Variants in TCAIM observed in about 807,000 individuals in gnomAD.
TCAIM encodes T-cell activation inhibitor, mitochondrial.
TCAIM carries 36 observed loss-of-function variants against 58.6 expected under a neutral mutation model. The observed-to-expected ratio is 0.61, with a 90% CI of 0.47 to 0.81. TCAIM has a LOEUF of 0.81. TCAIM is among the 30% of genes least tolerant of loss of function. TCAIM has a pLI of 0.00. For synonymous variants in TCAIM, 172 were observed against 193.6 expected, an observed-to-expected ratio of 0.89 and a Z score of 0.93; for missense variants, 466 against 579.6, an observed-to-expected ratio of 0.80 and a Z score of 2.01.
intron 1 of TCAIM, among the ~76,000 whole-genome samples, chr3:44,351,472 T>A (rs911307178): frequency 6.6e-6 from 1 of 151,984 alleles, no homozygotes; most frequent in Non-Finnish European, 1.5e-5. Flanking sequence ...ATCACCTTTT[T>A]AAATTTATTT....
chr3:44,355,975 G>C (rs1292665047), intron 2 of TCAIM, among the ~76,000 whole-genome samples: 1 of 152,158 alleles, frequency 6.6e-6, no homozygotes, highest in Non-Finnish European at 1.5e-5. Context: ...AATGCTGGCT[G>C]ATTCTTTCCT....
At chr3:44,369,250 G>A (rs776941515) in intron 5 of TCAIM, among the ~76,000 whole-genome samples, 4 of 152,108 alleles carry the variant, frequency 2.6e-5, no homozygotes, top group African/African-American at 9.7e-5. Flanking sequence ...TTACACCCGC[G>A]GGAGAATATT....
chr3:44,346,213 A>T (rs1700965459), intron 1 of TCAIM, among the ~76,000 whole-genome samples: 1 of 152,128 alleles, frequency 6.6e-6, no homozygotes, highest in South Asian at 2.1e-4. Context: ...CGGTAAGGGG[A>T]AGGTTCTACT....
chr3:44,368,817 G>T (rs1701420452), intron 5 of TCAIM, among the ~76,000 whole-genome samples: 1 of 152,180 alleles, frequency 6.6e-6, no homozygotes, highest in Non-Finnish European at 1.5e-5. Flanking sequence ...GAGGTCAGGA[G>T]TTCAAAACCA....
intron 1 of TCAIM, among the ~76,000 whole-genome samples, chr3:44,353,735 G>A (rs1044275040): frequency 6.6e-6 from 1 of 152,216 alleles, no homozygotes; most frequent in African/African-American, 2.4e-5. Flanking sequence ...TCTTGGTGAG[G>A]TGTCTGTTAA....
intron 2 of TCAIM, among the ~76,000 whole-genome samples, chr3:44,356,236 C>T (rs573255559): frequency 6.6e-6 from 1 of 152,254 alleles, no homozygotes; most frequent in East Asian, 1.9e-4. Context: ...TTATAAAAAG[C>T]TTAGGTTGGG....
At chr3:44,386,111 G>A (rs961310378) in intron 5 of TCAIM, among the ~76,000 whole-genome samples, 1 of 146,864 alleles carries the variant, frequency 6.8e-6, no homozygotes, top group African/African-American at 2.5e-5. Flanking sequence ...TACTCAAGAG[G>A]CTGAGACAGA....
rs567604288 is a variant in TCAIM at position 44,405,509 on chromosome 3, C to CA, written c.1251-1927dup. On this transcript the variant is annotated intron_variant, in intron 10 of 10. Coordinates refer to ENST00000342649, the MANE Select transcript of TCAIM (RefSeq NM_173826.4). Reference sequence around the variant, plus strand: ...GCTACATGGTGAGACCTCGTCTCTACAAAAAATTTAAAAATTAGCTGGGTG... The same window carrying CA: ...GCTACATGGTGAGACCTCGTCTCTACAAAAAAATTTAAAAATTAGCTGGGTG... 5.9e-5 allele frequency among the ~76,000 whole-genome samples: 9 copies of CA among 151,964 alleles called. No homozygotes were observed. The East Asian group carries it at 1.7e-3, about 29-fold the overall frequency.
chr3:44,365,726 C>T (rs1386685762), intron 4 of TCAIM, among the ~76,000 whole-genome samples: 1 of 152,202 alleles, frequency 6.6e-6, no homozygotes, highest in Non-Finnish European at 1.5e-5. Flanking sequence ...TCCATATCTG[C>T]ATCATCTAAT....
intron 3 of TCAIM, among the ~76,000 whole-genome samples, chr3:44,360,684 C>T (rs544305712): frequency 9.8e-4 from 149 of 151,826 alleles, no homozygotes; most frequent in African/African-American, 3.4e-3. Flanking sequence ...GGGCTCACTG[C>T]AGCCTCGAAC....
intron 8 of TCAIM, among the ~76,000 whole-genome samples, chr3:44,398,445 T>TTAGA (rs58163075): frequency 0.12 from 17,793 of 145,186 alleles, 1,136 homozygotes; most frequent in African/African-American, 0.14. Context: ...GATACAAAGA[T>TTAGA]TAGATAGATA....
chr3:44,396,315 C>G (rs1701933273), intron 6 of TCAIM, 85 bp from the exon 7 acceptor site: 1 of 1,122,712 alleles, frequency 8.9e-7, no homozygotes, highest in Admixed American at 2.8e-5. Flanking sequence ...CATTGGCTTT[C>G]CAAGGACTCC....
At chr3:44,352,846 C>G (rs1170668633) in intron 1 of TCAIM, among the ~76,000 whole-genome samples, 1 of 151,956 alleles carries the variant, frequency 6.6e-6, no homozygotes, top group Admixed American at 6.6e-5. Flanking sequence ...TCTTGCCTTT[C>G]CCAGACTGCT....
At chr3:44,339,900 A>C (rs1014004084) in intron 1 of TCAIM, 1 of 152,156 alleles carries the variant, frequency 6.6e-6, no homozygotes, top group African/African-American at 2.4e-5. Flanking sequence ...TCTAGTCCCA[A>C]TGCTTTACGC....
At chr3:44,389,016 G>A (rs936803558) in intron 5 of TCAIM, among the ~76,000 whole-genome samples, 4 of 152,174 alleles carry the variant, frequency 2.6e-5, no homozygotes, top group East Asian at 1.9e-4. Flanking sequence ...TTAAAAGCCC[G>A]GCCGGTGGCT....
chr3:44,353,892 T>C (rs1296271650), intron 1 of TCAIM, among the ~76,000 whole-genome samples: 1 of 152,242 alleles, frequency 6.6e-6, no homozygotes, highest in Non-Finnish European at 1.5e-5. Flanking sequence ...CTCATTCTCT[T>C]GACATTGTCT....
chr3:44,398,392 T>G (rs1013856760), intron 8 of TCAIM, among the ~76,000 whole-genome samples: 3 of 152,040 alleles, frequency 2.0e-5, no homozygotes, highest in African/African-American at 7.2e-5. Flanking sequence ...ATTGCGCCAC[T>G]GCATTCCAGC....
chr3:44,392,733 G>A (rs1701858177), intron 5 of TCAIM, 122 bp from the exon 6 acceptor site: 2 of 859,214 alleles, frequency 2.3e-6, no homozygotes, highest in South Asian at 4.2e-5. Flanking sequence ...TCATTGATTG[G>A]CATTTAGGTT....
At chr3:44,379,980 G>A (rs927549632) in intron 5 of TCAIM, among the ~76,000 whole-genome samples, 3 of 152,036 alleles carry the variant, frequency 2.0e-5, no homozygotes, top group African/African-American at 4.8e-5. Context: ...GTCTGTACAC[G>A]AGACCTCCGT....
Sources: gnomAD v4.1 joint callset for allele counts (sites outside exome capture counted in the v4.1 genomes callset) on GRCh38, gnomAD v4.1.1 for gene constraint, MANE v1.5 for transcripts, NCBI Gene and HGNC (gene_info 2026-07-23, HGNC 2026-07-21) for gene names.